The following MYO9A variants were observed in gnomAD, a reference collection of about 807,000 sequenced individuals.
MYO9A encodes the protein unconventional myosin-IXa.
In MYO9A, 103 loss-of-function variants were observed where a neutral mutation model predicts 293.3. That is an observed-to-expected ratio of 0.35 (90% CI 0.30 to 0.41). The LOEUF is 0.41. Among genes scored for constraint, MYO9A ranks in the 10% least tolerant of loss-of-function variants. The pLI is 1.00. For missense variants in MYO9A, 2,685 were observed against 3,033.0 expected, an observed-to-expected ratio of 0.89 and a Z score of 2.69; for synonymous variants, 1,001 against 1,035.7, an observed-to-expected ratio of 0.97 and a Z score of 0.64.
At chr15:71,948,854 T>C (rs1335357432) in intron 15 of MYO9A, among the ~76,000 whole-genome samples, 1 of 151,946 alleles carries the variant, frequency 6.6e-6, no homozygotes, top group Non-Finnish European at 1.5e-5. Context: ...CAGTGGATAC[T>C]GTTAGGTTCT....
intron 27 of MYO9A, 27 bp downstream of exon 27, chr15:71,887,977 C>G: frequency 7.9e-7 from 1 of 1,262,552 alleles, no homozygotes; most frequent in Non-Finnish European, 1.1e-6. Flanking sequence ...TTATATAACC[C>G]CTGTTAACTC....
intron 7 of MYO9A, among the ~76,000 whole-genome samples, chr15:72,010,079 C>G (rs780485938): frequency 1.3e-5 from 2 of 151,976 alleles, no homozygotes; most frequent in Admixed American, 6.6e-5. Context: ...TAAGTAAGGT[C>G]CATGGATAGG....
chr15:71,867,846 ACACG>A (rs1476183486), intron 32 of MYO9A, among the ~76,000 whole-genome samples: 2 of 135,640 alleles, frequency 1.5e-5, no homozygotes, highest in East Asian at 4.2e-4. Context: ...ACACACACAC[ACACG>A]GTTATTCATT....
At chr15:72,014,405 G>T (rs1435701732) in intron 6 of MYO9A, among the ~76,000 whole-genome samples, 1 of 152,312 alleles carries the variant, frequency 6.6e-6, no homozygotes, top group East Asian at 1.9e-4. Flanking sequence ...GAGACAAGTG[G>T]CCAGGCACGG....
intron 14 of MYO9A, among the ~76,000 whole-genome samples, chr15:71,955,972 TGATTCCATATTACAAATATG>T (rs2059166665): frequency 6.6e-6 from 1 of 152,044 alleles, no homozygotes; most frequent in African/African-American, 2.4e-5. Flanking sequence ...GAGTATTGTA[TGATTCCATATTACAAATATG>T]GAAACTGTAC....
In MYO9A at chr15:71,850,079, T is replaced by C; in HGVS notation, c.6670A>G (p.Thr2224Ala). The C allele has an allele frequency of 6.2e-7, 1 of 1,614,088 alleles. No homozygotes were observed. Among genetic ancestry groups the C allele is most frequent in the Non-Finnish European group, 8.5e-7 (1 of 1,179,962 alleles). The stretch of plus-strand genomic sequence containing the variant: ...TCCTGTACACTTTGTAGTGGGTCAG[T>C]GGTGTCAGGGCAGCGGAGAATGCAG... ...APCILRCPDT[T>A]DPLQSVQDIS... Residue 2224 changes from threonine to alanine, a missense_variant, in exon 38 of 42, where the codon ACT becomes GCT. Physicochemically the swap from Thr to Ala is moderately conservative, Grantham distance 58. This residue lies in a region of MYO9A where 238 missense variants were observed against 269.1 expected (regional missense o/e 0.88). Transcript: ENST00000356056.
intron 39 of MYO9A, among the ~76,000 whole-genome samples, chr15:71,835,195 C>T (rs1390622200): frequency 6.6e-6 from 1 of 152,160 alleles, no homozygotes; most frequent in African/African-American, 2.4e-5. Context: ...AAACATCACA[C>T]TTGGTGGTAA....
At chr15:71,852,512 C>T (rs369429838) in intron 35 of MYO9A, among the ~76,000 whole-genome samples, 16 of 152,050 alleles carry the variant, frequency 1.1e-4, no homozygotes, top group African/African-American at 3.9e-4. Context: ...TACGGGCATG[C>T]GCCGCCACGC....
chr15:71,911,176 C>A (rs7175373), intron 19 of MYO9A, among the ~76,000 whole-genome samples: 96,088 of 151,920 alleles, frequency 0.63, 31,743 homozygotes, highest in Middle Eastern at 0.74. Flanking sequence ...ATGGCTTTTC[C>A]TGTGATTATA....
intron 5 of MYO9A, among the ~76,000 whole-genome samples, chr15:72,020,186 T>A (rs572694053): frequency 5.9e-5 from 9 of 152,308 alleles, no homozygotes; most frequent in African/African-American, 2.2e-4. Flanking sequence ...CATTACATCT[T>A]GCCTCCAACA....
chr15:71,874,317 C>T (rs1183961725), intron 32 of MYO9A, among the ~76,000 whole-genome samples: 1 of 151,988 alleles, frequency 6.6e-6, no homozygotes, highest in Admixed American at 6.6e-5. Context: ...GGGTTGAATC[C>T]AGGTTTTGTA....
intron 11 of MYO9A, among the ~76,000 whole-genome samples, chr15:71,986,868 T>C (rs2076420361): frequency 6.6e-6 from 1 of 152,160 alleles, no homozygotes; most frequent in Non-Finnish European, 1.5e-5. Flanking sequence ...GTGTACAGTG[T>C]TTATAAAGTC....
At chr15:72,086,708 A>AGCAG (rs1474418806) in intron 1 of MYO9A, among the ~76,000 whole-genome samples, 3 of 151,258 alleles carry the variant, frequency 2.0e-5, no homozygotes, top group Non-Finnish European at 2.9e-5. Flanking sequence ...AGGGGAAGGG[A>AGCAG]GCAGGCAGGC....
intron 1 of MYO9A, among the ~76,000 whole-genome samples, chr15:72,072,420 A>G (rs1462470961): frequency 2.0e-5 from 3 of 152,156 alleles, no homozygotes; most frequent in Non-Finnish European, 4.4e-5. Flanking sequence ...CGTGAACCAC[A>G]GCGTCCAGCC....
intron 10 of MYO9A, among the ~76,000 whole-genome samples, chr15:71,993,966 A>AG (rs966874575): frequency 2.6e-5 from 4 of 151,910 alleles, no homozygotes; most frequent in African/African-American, 9.7e-5. Context: ...AAAAAAAAAA[A>AG]AAAAACAGCA....
chr15:71,975,227 T>C (rs2076107277), intron 12 of MYO9A, among the ~76,000 whole-genome samples: 1 of 152,132 alleles, frequency 6.6e-6, no homozygotes. Flanking sequence ...AGCAGTATGT[T>C]TGAGTTGTAT....
intron 10 of MYO9A, 69 bp from the exon 11 acceptor site, chr15:71,991,306 A>C: frequency 7.6e-7 from 1 of 1,310,126 alleles, no homozygotes; most frequent in Non-Finnish European, 1.0e-6. Flanking sequence ...TATCCACAAC[A>C]TAAGTAACAA....
chr15:71,832,349 A>G (rs2054762291), intron 39 of MYO9A, among the ~76,000 whole-genome samples: 1 of 152,158 alleles, frequency 6.6e-6, no homozygotes. Flanking sequence ...TAACCTAGGA[A>G]TTTAAGAAAG....
intron 2 of MYO9A, chr15:72,041,313 TTAAGATC>T (rs1464065968): frequency 6.6e-6 from 5 of 759,820 alleles, no homozygotes; most frequent in Non-Finnish European, 1.1e-5. Flanking sequence ...TTCTGGCAGT[TTAAGATC>T]CTCAGGAACT....
Sources: allele counts gnomAD v4.1 joint callset (sites outside exome capture counted in the v4.1 genomes callset), GRCh38; gene constraint gnomAD v4.1.1; regional missense constraint gnomAD v4.1.1; transcripts MANE v1.5; gene names NCBI Gene and HGNC (gene_info 2026-07-23, HGNC 2026-07-21).